The following SH3YL1 variants were observed in gnomAD, a reference collection of about 807,000 sequenced individuals.
SH3YL1 encodes SH3 and SYLF domain containing 1.
In SH3YL1, 41 loss-of-function variants were observed where a neutral mutation model predicts 45.8. The observed-to-expected ratio is 0.89, with a 90% CI of 0.70 to 1.16. SH3YL1 has a LOEUF of 1.16. SH3YL1 is among the 50% of genes most tolerant of loss of function. The pLI, the probability that SH3YL1 is intolerant of heterozygous loss-of-function variation, is 0.00. For synonymous variants in SH3YL1, 152 were observed against 151.4 expected, an observed-to-expected ratio of 1.00 and a Z score of -0.03; for missense variants, 389 against 409.6, an observed-to-expected ratio of 0.95 and a Z score of 0.43.
At chr2:264,126 G>C, upstream of SH3YL1, 2 of 1,233,586 alleles carry the variant, frequency 1.6e-6, no homozygotes, top group Admixed American at 3.9e-5. Flanking sequence ...CACCCGCCGT[G>C]TACGTTTCGC....
intron 1 of SH3YL1, chr2:256,142 G>A (rs999765904): frequency 3.9e-5 from 6 of 152,196 alleles, no homozygotes; most frequent in Admixed American, 3.3e-4. Context: ...TATGAATTTT[G>A]TCTGTGCCAG....
rs540195936 is a variant in SH3YL1 at position 229,715 on chromosome 2, C to T, written c.781+251G>A. ...CTGCACTCCAGCCTGGGCGACAGAG[C>T]GAGACTCCGTCTCAAAAAAAAAAAA... On this transcript the variant is annotated intron_variant, in intron 8 of 9. Transcript: ENST00000356150. 1.8e-4 allele frequency among the ~76,000 whole-genome samples: 20 copies of T among 113,172 alleles called. No homozygotes were observed. The South Asian group carries it at 3.7e-3, about 21-fold the overall frequency. 74.2% of individuals were successfully genotyped at this position (113,172 alleles called of 152,430 possible).
Position 218,942 on chromosome 2 carries a change from C to A in SH3YL1, c.898G>T (p.Gly300Trp). 6.2e-7 allele frequency: 1 copy of A among 1,614,070 alleles called. No homozygotes were observed. Among genetic ancestry groups the A allele is most frequent in the Non-Finnish European group, 8.5e-7 (1 of 1,179,996 alleles). The change falls in exon 10 of 10, where the codon GGG becomes TGG. Residue 300 changes from glycine (G) to tryptophan (W), a missense_variant. Gly to Trp is a radical substitution (Grantham distance 184). Transcript: ENST00000356150. ...ALYSFEGQQP[G>W]DLNFQAGDRI... ...TCTCCAGCTTGAAAATTCAAATCCCCAGGCTGCTGTCCTTCAAATGAATAC... is the reference window on the plus strand; with the variant it reads ...TCTCCAGCTTGAAAATTCAAATCCCAAGGCTGCTGTCCTTCAAATGAATAC...
At chr2:221,226 C>A (rs1037539452) in intron 9 of SH3YL1, among the ~76,000 whole-genome samples, 5 of 152,182 alleles carry the variant, frequency 3.3e-5, no homozygotes, top group African/African-American at 1.2e-4. Context: ...ACAGACCAAA[C>A]TGACATTTAT....
intron 8 of SH3YL1, among the ~76,000 whole-genome samples, chr2:225,760 G>A (rs1667763137): frequency 6.6e-6 from 1 of 152,158 alleles, no homozygotes; most frequent in Admixed American, 6.5e-5. Flanking sequence ...TGGTACTTAA[G>A]TAGAAATAGA....
chr2:228,952 C>T (rs1244379375), intron 8 of SH3YL1, among the ~76,000 whole-genome samples: 1 of 152,194 alleles, frequency 6.6e-6, no homozygotes, highest in East Asian at 1.9e-4. Flanking sequence ...TATGCCTTCT[C>T]CCACTAACAG....
At chr2:254,830 T>C (rs1018600424) in intron 1 of SH3YL1, among the ~76,000 whole-genome samples, 1 of 152,210 alleles carries the variant, frequency 6.6e-6, no homozygotes, top group Non-Finnish European at 1.5e-5. Context: ...ATTGTTTCCT[T>C]TGCCCTGTTG....
At chr2:237,632 G>T (rs1042691785) in intron 4 of SH3YL1, among the ~76,000 whole-genome samples, 2 of 152,130 alleles carry the variant, frequency 1.3e-5, no homozygotes, top group African/African-American at 4.8e-5. Context: ...TCAGTAGGGT[G>T]AGTATGGTTC....
chr2:229,896 G>T, intron 8 of SH3YL1, 70 bp downstream of exon 8: 1 of 1,253,200 alleles, frequency 8.0e-7, no homozygotes, highest in South Asian at 1.3e-5. Context: ...AATGTATCTT[G>T]ATTTCTTAAT....
intron 1 of SH3YL1, among the ~76,000 whole-genome samples, chr2:254,207 T>C (rs1669207806): frequency 6.6e-6 from 1 of 152,184 alleles, no homozygotes; most frequent in African/African-American, 2.4e-5. Flanking sequence ...TAGGAAGACT[T>C]GGGAATTGAG....
chr2:226,974 A>G (rs981848452), intron 8 of SH3YL1, among the ~76,000 whole-genome samples: 3 of 152,164 alleles, frequency 2.0e-5, no homozygotes, highest in Admixed American at 6.5e-5. Context: ...GGTGGTACAC[A>G]TGTTGGGGAA....
At chr2:227,492 G>A (rs1667834425) in intron 8 of SH3YL1, among the ~76,000 whole-genome samples, 2 of 152,056 alleles carry the variant, frequency 1.3e-5, no homozygotes, top group Non-Finnish European at 2.9e-5. Context: ...TTATTAAAAA[G>A]AAGCAAACAG....
At chr2:230,077 T>C in intron 7 of SH3YL1, 33 bp from the exon 8 acceptor site, 1 of 1,532,562 alleles carries the variant, frequency 6.5e-7, no homozygotes, top group Non-Finnish European at 8.9e-7. Flanking sequence ...TACACATAAT[T>C]TTAAAATCTT....
At chr2:254,271 C>A (rs896616905) in intron 1 of SH3YL1, among the ~76,000 whole-genome samples, 4 of 152,162 alleles carry the variant, frequency 2.6e-5, no homozygotes, top group Non-Finnish European at 5.9e-5. Flanking sequence ...TACAGTGTTG[C>A]CTGGACATTC....
At chr2:238,345 G>A (rs1047039122) in intron 4 of SH3YL1, among the ~76,000 whole-genome samples, 15 of 151,250 alleles carry the variant, frequency 9.9e-5, no homozygotes, top group Non-Finnish European at 1.5e-4. Context: ...TAAGTGGAGC[G>A]TCCTTCCAGC....
chr2:257,663 T>C (rs1302620093), intron 1 of SH3YL1, among the ~76,000 whole-genome samples: 2 of 152,212 alleles, frequency 1.3e-5, no homozygotes, highest in African/African-American at 4.8e-5. Flanking sequence ...GTCTATAAAT[T>C]TGTTCTGACC....
intron 1 of SH3YL1, among the ~76,000 whole-genome samples, chr2:256,875 C>T (rs558696138): frequency 3.3e-5 from 5 of 152,234 alleles, no homozygotes; most frequent in African/African-American, 1.2e-4. Flanking sequence ...TATTCCATAT[C>T]CTCACCAACA....
chr2:230,402 A>G lies in SH3YL1; in HGVS notation c.703-358T>C, dbSNP rs972695340. On this transcript the variant is annotated intron_variant, in intron 7 of 9. Coordinates refer to ENST00000356150, the MANE Select transcript of SH3YL1 (RefSeq NM_015677.4). The stretch of plus-strand genomic sequence containing the variant: ...TCTAGGCTTCAGTTTTTATTCCATG[A>G]AACAGGCATCATACCAACTCTGAAA... 12 of 182,288 alleles carry G rather than the reference A, an allele frequency of 6.6e-5. No homozygotes were observed. The South Asian group carries it at 1.7e-3, about 26-fold the overall frequency. The allele number at this position is 182,288 out of a possible 1,614,324, so 11.3% of individuals were successfully genotyped here.
intron 4 of SH3YL1, among the ~76,000 whole-genome samples, chr2:235,557 A>G (rs377420539): frequency 0.013 from 203 of 15,642 alleles, no homozygotes; most frequent in Non-Finnish European, 0.013. Flanking sequence ...AGGGGAGGCA[A>G]CAGCATGGGC....
Sources: allele counts gnomAD v4.1 joint callset (sites outside exome capture counted in the v4.1 genomes callset), GRCh38; gene constraint gnomAD v4.1.1; transcripts MANE v1.5; gene names NCBI Gene and HGNC (gene_info 2026-07-23, HGNC 2026-07-21).